ZNF324B: variants seen among roughly 807,000 people sequenced by gnomAD.
ZNF324B encodes zinc finger protein 324B.
ZNF324B carries 7 observed loss-of-function variants against 10.6 expected under a neutral mutation model. The observed-to-expected ratio is 0.66, with a 90% CI of 0.38 to 1.24. ZNF324B has a LOEUF of 1.24. ZNF324B is among the 50% of genes most tolerant of loss of function. The pLI, the probability that ZNF324B is intolerant of heterozygous loss-of-function variation, is 0.02. For synonymous variants in ZNF324B, 316 were observed against 321.0 expected, an observed-to-expected ratio of 0.98 and a Z score of 0.17; for missense variants, 640 against 764.7, an observed-to-expected ratio of 0.84 and a Z score of 1.92.
chr19:58,454,268 G>A lies in ZNF324B; in HGVS notation c.162G>A (p.Glu54=), dbSNP rs775396569. The change falls in exon 3 of 4, where the codon GAG becomes GAA. Residue 54 remains glutamate, a synonymous_variant. Coordinates refer to ENST00000336614, the MANE Select transcript of ZNF324B (RefSeq NM_207395.3). ...TSRPRVVIQL[E]RGEEPWVPSG... Reference sequence around the variant, plus strand: ...GACCTCGTGTGGTCATTCAACTTGAGCGTGGCGAGGAGCCCTGGGTTCCCA... The same window carrying A: ...GACCTCGTGTGGTCATTCAACTTGAACGTGGCGAGGAGCCCTGGGTTCCCA... 3.7e-6 allele frequency: 6 copies of A among 1,614,108 alleles called. No homozygotes were observed. The highest frequency in any genetic ancestry group is 5.1e-6 in the Non-Finnish European group (6 of 1,179,996).
the ZNF324B span, chr19:58,428,533 T>A: frequency 6.6e-6 from 1 of 152,180 alleles, no homozygotes; most frequent in Non-Finnish European, 1.5e-5. Context: ...CAAGAAACCC[T>A]GGCTACTCAC....
the ZNF324B span, chr19:58,437,102 C>T: frequency 2.1e-5 from 34 of 1,614,028 alleles, no homozygotes; most frequent in Non-Finnish European, 2.8e-5. Context: ...ACAGGTGCCT[C>T]TGGGCTGCAT....
intron 3 of ZNF324B, 89 bp downstream of exon 3, chr19:58,454,433 C>T: frequency 1.2e-6 from 1 of 822,474 alleles, no homozygotes; most frequent in South Asian, 1.5e-5. Context: ...ACACATCCTC[C>T]TCTCCTGCCT....
chr19:58,444,157 A>G, the ZNF324B span: 2 of 151,740 alleles, frequency 1.3e-5, 1 homozygote, highest in South Asian at 4.2e-4. Context: ...TGTGCCTTTT[A>G]AAAAAAATTT....
At chr19:58,423,781 T>C in the ZNF324B span, among the ~76,000 whole-genome samples, 12 of 152,122 alleles carry the variant, frequency 7.9e-5, no homozygotes, top group Non-Finnish European at 1.0e-4. Context: ...AGCCAACTGA[T>C]TTTCAACAAA....
Position 58,451,712 on chromosome 19 carries a change from C to T in ZNF324B, c.-7+8C>T, listed in dbSNP as rs768093738. On this transcript the variant is annotated splice_region_variant and intron_variant, in intron 1 of 3. Coordinates refer to ENST00000336614, the MANE Select transcript of ZNF324B (RefSeq NM_207395.3). ...AGGCGGGCGGCCAGGAAGGTACGGA[C>T]CACGAGCAGCCGGCCGCGCCCCCAA... 2.1e-6 allele frequency: 1 copy of T among 468,526 alleles called. No individual in the cohort carries two copies. The highest frequency in any genetic ancestry group is 4.2e-6 in the Non-Finnish European group (1 of 239,336). The allele number at this position is 468,526 out of a possible 1,614,324, so 29.0% of individuals were successfully genotyped here.
chr19:58,438,050 C>A, the ZNF324B span, among the ~76,000 whole-genome samples: 3 of 152,146 alleles, frequency 2.0e-5, no homozygotes, highest in African/African-American at 7.2e-5. Flanking sequence ...ACCAGCCTGA[C>A]AAAAACCCCA....
chr19:58,427,117 CTTTTT>C, the ZNF324B span, among the ~76,000 whole-genome samples: 878 of 151,592 alleles, frequency 5.8e-3, 9 homozygotes, highest in African/African-American at 0.02. Context: ...TTTTTTTTTC[CTTTTT>C]TATTTTTATT....
chr19:58,439,713 G>A, the ZNF324B span: 1 of 1,489,920 alleles, frequency 6.7e-7, no homozygotes, highest in Non-Finnish European at 8.9e-7. Flanking sequence ...AGGATCCTGA[G>A]GGCCGGAATC....
rs1341168220 is a variant in ZNF324B, at chr19:58,451,641, C to G, written c.-70C>G. 1 of 516,808 alleles carries G rather than the reference C, an allele frequency of 1.9e-6. No homozygotes were observed. Among genetic ancestry groups the G allele is most frequent in the Non-Finnish European group, 3.9e-6 (1 of 258,888 alleles). 32.0% of individuals were successfully genotyped at this position (516,808 alleles called of 1,614,324 possible). On this transcript the variant is annotated 5_prime_UTR_variant, in exon 1 of 4. Transcript: ENST00000336614. Reference sequence around the variant, plus strand: ...GGGACTGTCACTTGGCTGCTCGCGTCAGGCCACACCGGTGGTCTGGGCTGT... The same window carrying G: ...GGGACTGTCACTTGGCTGCTCGCGTGAGGCCACACCGGTGGTCTGGGCTGT...
At chr19:58,454,366 G>C (rs775313433) in intron 3 of ZNF324B, 22 bp downstream of exon 3, 13 of 1,533,790 alleles carry the variant, frequency 8.5e-6, no homozygotes, top group Non-Finnish European at 1.2e-5. Flanking sequence ...CTCAGGTGGG[G>C]TGAACTAAGG....
rs745786625 is a variant in ZNF324B at position 58,455,775 on chromosome 19, C to T, written c.831C>T (p.Arg277=). 3.7e-6 allele frequency: 6 copies of T among 1,613,978 alleles called. No individual in the cohort carries two copies. The African/African-American group carries it at 6.7e-5, about 18-fold the overall frequency. ...GCTCCGACCTCCTCAAGCACCTACG[C>T]ACCCACACCGGGGAGCGGCCCTACG... The part of the protein sequence containing the change: ...VKSSDLLKHL[R]THTGERPYEC... Residue 277 remains arginine, a synonymous_variant, in exon 4 of 4, where the codon CGC becomes CGT. Coordinates refer to ENST00000336614, the MANE Select transcript of ZNF324B (RefSeq NM_207395.3). The surrounding 1 kb of genome is among the most constrained non-coding windows in gnomAD (Gnocchi z 7.0).
chr19:58,427,282 G>GCC, the ZNF324B span, among the ~76,000 whole-genome samples: 1 of 102,016 alleles, frequency 9.8e-6, no homozygotes, highest in Non-Finnish European at 2.4e-5. Flanking sequence ...GCGCCACCAT[G>GCC]CCTGGCTTTT....
the ZNF324B span, chr19:58,433,517 C>G: frequency 6.2e-7 from 1 of 1,613,992 alleles, no homozygotes; most frequent in Non-Finnish European, 8.5e-7. Context: ...TGATGACGAA[C>G]CAGGTGGGAG....
chr19:58,427,369 T>TTCCTTC, the ZNF324B span, among the ~76,000 whole-genome samples: 6 of 42,230 alleles, frequency 1.4e-4, no homozygotes, highest in African/African-American at 4.8e-4. Context: ...TTTCTTTCTT[T>TTCCTTC]CTTTCTTTCT....
chr19:58,437,604 A>G, the ZNF324B span: 27 of 791,470 alleles, frequency 3.4e-5, no homozygotes, highest in Non-Finnish European at 2.1e-5. Flanking sequence ...CATGGGCCCA[A>G]TGGTTCACAT....
the ZNF324B span, chr19:58,437,869 T>C: frequency 2.3e-5 from 20 of 853,278 alleles, no homozygotes; most frequent in African/African-American, 3.3e-4. Context: ...CCCAGAACCA[T>C]AAGCAGATCT....
upstream of ZNF324B, among the ~76,000 whole-genome samples, chr19:58,446,640 G>A (rs935981607): frequency 2.8e-5 from 4 of 143,324 alleles, no homozygotes; most frequent in African/African-American, 8.0e-5. Flanking sequence ...GCAGTGGTGC[G>A]ATCTCAGCTC....
At chr19:58,439,849 G>T in the ZNF324B span, 1 of 1,532,528 alleles carries the variant, frequency 6.5e-7, no homozygotes, top group Non-Finnish European at 8.8e-7. Context: ...TAGCCCTGCC[G>T]CTGGGCCGAA....
Sources: allele counts gnomAD v4.1 joint callset (sites outside exome capture counted in the v4.1 genomes callset), GRCh38; gene constraint gnomAD v4.1.1; non-coding constraint Gnocchi (gnomAD v3.1); transcripts MANE v1.5; gene names NCBI Gene and HGNC (gene_info 2026-07-23, HGNC 2026-07-21).